Variants in ARHGEF38 observed in about 807,000 individuals in gnomAD.
The protein encoded by ARHGEF38 is Rho guanine nucleotide exchange factor (GEF) 38.
A neutral mutation model predicts 79.9 loss-of-function variants in ARHGEF38; 79 were observed. The ratio of observed to expected loss-of-function variants is 0.99; its 90% confidence interval spans 0.82 to 1.19. The LOEUF is 1.19. ARHGEF38 is among the 50% of genes most tolerant of loss of function. ARHGEF38 has a pLI of 0.00. For synonymous variants in ARHGEF38, 366 were observed against 328.3 expected, an observed-to-expected ratio of 1.11 and a Z score of -1.24; for missense variants, 962 against 907.2, an observed-to-expected ratio of 1.06 and a Z score of -0.78.
intron 7 of ARHGEF38, among the ~76,000 whole-genome samples, chr4:105,652,884 T>C (rs1351536009): frequency 6.6e-6 from 1 of 152,152 alleles, no homozygotes; most frequent in Non-Finnish European, 1.5e-5. Context: ...AGTTTAAAAA[T>C]AAAATAAAAT....
intron 2 of ARHGEF38, among the ~76,000 whole-genome samples, chr4:105,605,555 G>A (rs2110481323): frequency 6.6e-6 from 1 of 152,250 alleles, no homozygotes; most frequent in East Asian, 1.9e-4. Flanking sequence ...TGCAAGATTA[G>A]TTAAAAGACT....
intron 2 of ARHGEF38, among the ~76,000 whole-genome samples, chr4:105,596,210 TCC>T (rs1727572200): frequency 6.6e-6 from 1 of 151,978 alleles, no homozygotes; most frequent in African/African-American, 2.4e-5. Context: ...ACAAAATCTC[TCC>T]CTCAGGGTCC....
chr4:105,556,888 T>C (rs1173990201), intron 1 of ARHGEF38, among the ~76,000 whole-genome samples: 1 of 152,144 alleles, frequency 6.6e-6, no homozygotes, highest in African/African-American at 2.4e-5. Context: ...ACATCAGAGA[T>C]TAAAATGTAC....
rs1730783347 is a variant in ARHGEF38, at chr4:105,667,220, A to G, written c.1781A>G (p.Asn594Ser). 6 of 1,536,178 alleles carry G rather than the reference A, an allele frequency of 3.9e-6. No homozygotes were observed. The highest frequency in any genetic ancestry group is 1.4e-5 in the African/African-American group (1 of 73,168). ...CTCTATCAAGCTAAGCGCAAGTGCA[A>G]TGCTACACAAGAATATGACATCAAT... ...EELYQAKRKC[N>S]ATQEYDINLL... Residue 594 changes from asparagine (N) to serine (S), a missense_variant, in exon 12 of 14, where the codon AAT becomes AGT. Physicochemically the swap from Asn to Ser is conservative, Grantham distance 46. Transcript: ENST00000420470.
At chr4:105,681,662 A>G (rs1444525338), downstream of ARHGEF38, among the ~76,000 whole-genome samples, 2 of 152,188 alleles carry the variant, frequency 1.3e-5, no homozygotes, top group African/African-American at 2.4e-5. Flanking sequence ...ACTTATGCCT[A>G]GTGTTCCATT....
At chr4:105,579,795 C>T (rs892858471) in intron 1 of ARHGEF38, among the ~76,000 whole-genome samples, 9 of 152,024 alleles carry the variant, frequency 5.9e-5, no homozygotes, top group Non-Finnish European at 8.8e-5. Flanking sequence ...GGAATAGCTT[C>T]GGTAGGAATA....
Position 105,659,342 on chromosome 4 carries a change from C to T in ARHGEF38, c.1522C>T (p.Gln508Ter), listed in dbSNP as rs767600876. Reference sequence around the variant, plus strand: ...TAGGGACCTGATGCTCGTGGCACAGCAGGCTTACTCCACACTTGTGCCGGT... The same window carrying T: ...TAGGGACCTGATGCTCGTGGCACAGTAGGCTTACTCCACACTTGTGCCGGT... ...LLRDLMLVAQ[Q>*]AYSTLVPMPL... Residue 508 changes from glutamine to a stop codon, truncating the protein, a stop_gained, in exon 10 of 14, where the codon CAG (glutamine) becomes TAG (stop). Transcript: ENST00000420470. LOFTEE classifies it high-confidence loss of function. 8.5e-6 allele frequency: 13 copies of T among 1,535,054 alleles called. No homozygotes were observed. The South Asian group carries it at 9.5e-5, about 11-fold the overall frequency.
chr4:105,584,502 A>G (rs1254305670), intron 1 of ARHGEF38, among the ~76,000 whole-genome samples: 1 of 152,198 alleles, frequency 6.6e-6, no homozygotes, highest in Admixed American at 6.5e-5. Flanking sequence ...GAAAATTGAT[A>G]CAGGAAGAGC....
At chr4:105,674,497 CATGACAGGTTAA>C (rs1731054705) in intron 13 of ARHGEF38, among the ~76,000 whole-genome samples, 1 of 151,932 alleles carries the variant, frequency 6.6e-6, no homozygotes, top group African/African-American at 2.4e-5. Context: ...TTCTTAAATG[CATGACAGGTTAA>C]AAATTTATAA....
intron 5 of ARHGEF38, among the ~76,000 whole-genome samples, 160 bp from the exon 6 acceptor site, chr4:105,645,028 C>G (rs542040592): frequency 2.1e-4 from 32 of 152,048 alleles, no homozygotes; most frequent in Non-Finnish European, 2.8e-4. Flanking sequence ...AGATTTGCTT[C>G]TTTCTGTCGT....
chr4:105,589,815 T>C (rs915936543), intron 2 of ARHGEF38, among the ~76,000 whole-genome samples: 19 of 152,050 alleles, frequency 1.2e-4, no homozygotes, highest in Admixed American at 4.6e-4. Flanking sequence ...GAGGATCACC[T>C]GAGGTTCGGA....
At chr4:105,622,402 A>G (rs964500715) in intron 3 of ARHGEF38, among the ~76,000 whole-genome samples, 6 of 152,234 alleles carry the variant, frequency 3.9e-5, no homozygotes. Flanking sequence ...TGAGAAGTAC[A>G]TAGAAAGAGT....
chr4:105,639,358 G>A (rs1416041537), intron 5 of ARHGEF38, among the ~76,000 whole-genome samples: 1 of 151,864 alleles, frequency 6.6e-6, no homozygotes, highest in African/African-American at 2.4e-5. Flanking sequence ...GTTTCAGGCT[G>A]TTTTTAATCT....
intron 2 of ARHGEF38, among the ~76,000 whole-genome samples, chr4:105,595,062 C>T (rs569009007): frequency 1.3e-5 from 2 of 152,236 alleles, no homozygotes; most frequent in African/African-American, 2.4e-5. Context: ...GAGTACTGTA[C>T]TTATTTTTAT....
At chr4:105,571,911 T>A (rs3822276) in intron 1 of ARHGEF38, among the ~76,000 whole-genome samples, 93,626 of 152,086 alleles carry the variant, frequency 0.62, 31,482 homozygotes, top group East Asian at 0.92. Flanking sequence ...TGGTGCCTGA[T>A]AGAAAGAAGC....
chr4:105,611,793 A>G (rs890940899), intron 2 of ARHGEF38, among the ~76,000 whole-genome samples: 6 of 152,138 alleles, frequency 3.9e-5, no homozygotes, highest in Non-Finnish European at 8.8e-5. Context: ...AATAATTAGT[A>G]TGGAATTATA....
intron 2 of ARHGEF38, among the ~76,000 whole-genome samples, chr4:105,607,740 T>C (rs1255630923): frequency 1.3e-5 from 2 of 152,058 alleles, no homozygotes; most frequent in African/African-American, 2.4e-5. Context: ...CTTCTTTGGG[T>C]CATAGATAAC....
intron 5 of ARHGEF38, among the ~76,000 whole-genome samples, chr4:105,637,777 T>C (rs901373464): frequency 6.6e-6 from 1 of 152,152 alleles, no homozygotes; most frequent in African/African-American, 2.4e-5. Flanking sequence ...ATATTCTTCT[T>C]AGTACAATTT....
chr4:105,676,381 G>T (rs1033424193), intron 13 of ARHGEF38, among the ~76,000 whole-genome samples: 2 of 152,118 alleles, frequency 1.3e-5, no homozygotes, highest in Non-Finnish European at 1.5e-5. Flanking sequence ...TGTGTGTAGA[G>T]TTGTTGCTGT....
Sources: gnomAD v4.1 joint callset for allele counts (sites outside exome capture counted in the v4.1 genomes callset) on GRCh38, gnomAD v4.1.1 for gene constraint, MANE v1.5 for transcripts, NCBI Gene and HGNC (gene_info 2026-07-23, HGNC 2026-07-21) for gene names.